Variants in CDK15 observed in about 807,000 individuals in gnomAD.
The protein encoded by CDK15 is cyclin dependent kinase 15, also known as cyclin-dependent kinase 15.
Under a neutral mutation model 60.3 loss-of-function variants are expected in CDK15, and 62 were observed. The ratio of observed to expected loss-of-function variants is 1.03; its 90% CI spans 0.84 to 1.27. The LOEUF (loss-of-function observed/expected upper bound fraction) is 1.27. Among genes scored for constraint, CDK15 ranks in the 50% most tolerant of loss-of-function variants. The probability of loss-of-function intolerance (pLI) is 0.00; values close to 1 mark genes in which losing one functional copy is unlikely to be tolerated. For missense variants in CDK15, 541 were observed against 527.8 expected, an observed-to-expected ratio of 1.03 and a Z score of -0.25; for synonymous variants, 194 against 195.7, an observed-to-expected ratio of 0.99 and a Z score of 0.07.
chr2:201,886,344 A>G (rs1170606420), intron 12 of CDK15, among the ~76,000 whole-genome samples: 2 of 135,822 alleles, frequency 1.5e-5, no homozygotes, highest in Non-Finnish European at 3.1e-5. Context: ...TTTTTTTTTG[A>G]GATGGACTTT....
intron 10 of CDK15, among the ~76,000 whole-genome samples, chr2:201,870,806 ATAT>A (rs1698826181): frequency 6.6e-6 from 1 of 152,224 alleles, no homozygotes; most frequent in South Asian, 2.1e-4. Flanking sequence ...GAGAGTTGAA[ATAT>A]TATTTTCTCA....
chr2:201,807,900 T>G lies in CDK15; in HGVS notation c.316T>G (p.Leu106Val). The change falls in exon 3 of 14, where the codon TTG becomes GTG. Residue 106 changes from leucine to valine, a missense_variant. Coordinates refer to ENST00000652192, the MANE Select transcript of CDK15 (RefSeq NM_001366386.2). ...PFGAASSYLN[L>V]EKLGEGSYAT... is the part of the protein sequence containing the mutation. ...TGGGGCAGCCTCATCTTACTTGAACTTGGAGAAGCTGGGTGAAGGCTCTTA... is the reference window on the plus strand; with the variant it reads ...TGGGGCAGCCTCATCTTACTTGAACGTGGAGAAGCTGGGTGAAGGCTCTTA... 6.2e-7 allele frequency: 1 copy of G among 1,614,160 alleles called. No homozygotes were observed. Among genetic ancestry groups the G allele is most frequent in the Non-Finnish European group, 8.5e-7 (1 of 1,180,020 alleles).
At position 201,807,650 on chromosome 2, in the gene CDK15, G is replaced by A; in HGVS notation, c.273+7G>A. 6.2e-7 allele frequency: 1 copy of A among 1,614,026 alleles called. No individual in the cohort carries two copies. The highest frequency in any genetic ancestry group is 1.1e-5 in the South Asian group (1 of 91,042). On this transcript the variant is annotated splice_region_variant and intron_variant, in intron 2 of 13. Transcript: ENST00000652192. ...GAGGCAGGGTTTTCAGTGGGTGAGT[G>A]AGCAGCTGATGTTGATCAAGAAGAA... is the stretch of plus-strand genomic sequence containing the variant.
intron 12 of CDK15, 77 bp from the exon 13 acceptor site, chr2:201,890,708 A>T: frequency 8.8e-7 from 1 of 1,136,196 alleles, no homozygotes; most frequent in Non-Finnish European, 1.3e-6. Flanking sequence ...GGTGGCAAAT[A>T]TTACAACAGA....
chr2:201,890,859 G>T lies in CDK15; in HGVS notation c.1273G>T (p.Gly425Cys). Residue 425 changes from glycine (G) to cysteine (C), a missense_variant, in exon 13 of 14, where the codon GGT (glycine) becomes TGT (cysteine). By Grantham distance (159) the Gly-to-Cys change is radical (BLOSUM62 -3). Transcript: ENST00000652192. ...TGACCTTTTGGCCTCCTACCAGAAAGGTCACCACCCAGCCCAGTTTAGCAA... is the reference window on the plus strand; with the variant it reads ...TGACCTTTTGGCCTCCTACCAGAAATGTCACCACCCAGCCCAGTTTAGCAA... ...MCDLLASYQK[G>C]HHPAQFSKCW 1 of 1,613,742 alleles carries T rather than the reference G, an allele frequency of 6.2e-7. No homozygotes were observed. Among genetic ancestry groups the T allele is most frequent in the Non-Finnish European group, 8.5e-7 (1 of 1,179,816 alleles).
intron 7 of CDK15, among the ~76,000 whole-genome samples, chr2:201,834,591 A>G (rs933330804): frequency 1.3e-5 from 2 of 152,152 alleles, no homozygotes; most frequent in Non-Finnish European, 2.9e-5. Flanking sequence ...CCCACACACA[A>G]ATATATATAG....
In CDK15 at chr2:201,875,746, T is replaced by C. The variant is rs558898421; in HGVS notation, c.1058+3420T>C. ...TCCCATTTTTTTGTAAAACAAAAACTATACCTGTCTAAAAGCAAAGGACTG... is the reference window on the plus strand; with the variant it reads ...TCCCATTTTTTTGTAAAACAAAAACCATACCTGTCTAAAAGCAAAGGACTG... On this transcript the variant is annotated intron_variant, in intron 11 of 13. Coordinates refer to ENST00000652192, the MANE Select transcript of CDK15 (RefSeq NM_001366386.2). Among the ~76,000 whole-genome samples the C allele has an allele frequency of 6.3e-4, 96 of 152,302 alleles. 1 individual carries two copies. Among genetic ancestry groups the C allele is most frequent in the African/African-American group, 2.3e-3 (96 of 41,578 alleles).
At chr2:201,835,862 G>GTA (rs1346728035) in intron 8 of CDK15, 99 bp downstream of exon 8, 1 of 655,172 alleles carries the variant, frequency 1.5e-6, no homozygotes, top group African/African-American at 2.2e-5. Flanking sequence ...TGGCAATCAC[G>GTA]TATATATTTT....
intron 12 of CDK15, among the ~76,000 whole-genome samples, chr2:201,889,765 G>T (rs1490101900): frequency 6.6e-6 from 1 of 151,604 alleles, no homozygotes; most frequent in African/African-American, 2.4e-5. Flanking sequence ...TAAATAGATT[G>T]CCAGCCAGGC....
intron 12 of CDK15, among the ~76,000 whole-genome samples, chr2:201,890,059 A>G (rs1699591238): frequency 1.4e-5 from 2 of 147,888 alleles, no homozygotes; most frequent in African/African-American, 5.2e-5. Flanking sequence ...AAAAAAAGAA[A>G]AAAAAAAAAA....
intron 6 of CDK15, among the ~76,000 whole-genome samples, chr2:201,826,759 C>T (rs2105722466): frequency 6.6e-6 from 1 of 152,246 alleles, no homozygotes; most frequent in African/African-American, 2.4e-5. Context: ...TATTAGCATG[C>T]ATTACATTTT....
chr2:201,876,625 A>G, intron 11 of CDK15: 1 of 1,253,564 alleles, frequency 8.0e-7, no homozygotes, highest in Non-Finnish European at 1.0e-6. Flanking sequence ...AGGCTGTGAG[A>G]CTGGAACAAG....
intron 4 of CDK15, among the ~76,000 whole-genome samples, chr2:201,814,058 A>G (rs1001939024): frequency 1.3e-5 from 2 of 152,216 alleles, no homozygotes; most frequent in African/African-American, 2.4e-5. Context: ...CCCGCATAAG[A>G]GGAAGGTTTC....
rs984957907 is a variant in CDK15 at position 201,858,231 on chromosome 2, T to C, written c.1009+3294T>C. On this transcript the variant is annotated intron_variant, in intron 10 of 13. Coordinates refer to ENST00000652192, the MANE Select transcript of CDK15 (RefSeq NM_001366386.2). ...GACAGTTAACTGTTTTCTTGGAGCT[T>C]TGATGAGCAGGGTTGTAAGTTTTCT... is the stretch of plus-strand genomic sequence containing the variant. 1.4e-3 allele frequency among the ~76,000 whole-genome samples: 211 copies of C among 152,318 alleles called. 2 individuals are homozygous for C. Among genetic ancestry groups the C allele is most frequent in the African/African-American group, 4.9e-3 (204 of 41,572 alleles).
At chr2:201,829,103 C>A (rs1559121750) in intron 6 of CDK15, among the ~76,000 whole-genome samples, 1 of 152,144 alleles carries the variant, frequency 6.6e-6, no homozygotes, top group Non-Finnish European at 1.5e-5. Context: ...TGGTTTTAAA[C>A]AAAGAGGTGA....
intron 8 of CDK15, among the ~76,000 whole-genome samples, chr2:201,839,943 C>T (rs562974943): frequency 1.3e-5 from 2 of 151,858 alleles, no homozygotes; most frequent in East Asian, 1.9e-4. Context: ...GTGTGTCCAC[C>T]CAATTGTTGA....
intron 9 of CDK15, among the ~76,000 whole-genome samples, chr2:201,851,160 T>A (rs1426794806): frequency 6.6e-6 from 1 of 151,120 alleles, no homozygotes; most frequent in Non-Finnish European, 1.5e-5. Context: ...AACGTGGTGG[T>A]GTGCACCTGT....
At chr2:201,818,382 T>TA (rs562645998) in intron 4 of CDK15, among the ~76,000 whole-genome samples, 4 of 152,278 alleles carry the variant, frequency 2.6e-5, no homozygotes, top group African/African-American at 4.8e-5. Flanking sequence ...ACATTAATAA[T>TA]AAAAAAACAG....
intron 10 of CDK15, among the ~76,000 whole-genome samples, chr2:201,856,669 G>C (rs1358536490): frequency 6.6e-6 from 1 of 152,094 alleles, no homozygotes; most frequent in Non-Finnish European, 1.5e-5. Context: ...TGTCCACTCT[G>C]TTCTCTATTT....
Sources: allele counts gnomAD v4.1 joint callset (sites outside exome capture counted in the v4.1 genomes callset), GRCh38; gene constraint gnomAD v4.1.1; transcripts MANE v1.5; gene names NCBI Gene and HGNC (gene_info 2026-07-23, HGNC 2026-07-21).